The following CACNA2D3 variants were observed in gnomAD, a reference collection of about 807,000 sequenced individuals.
CACNA2D3 encodes voltage-dependent calcium channel subunit alpha-2/delta-3.
CACNA2D3 carries 60 observed loss-of-function variants against 160.6 expected under a neutral mutation model. The ratio of observed to expected loss-of-function variants is 0.37; its 90% CI spans 0.30 to 0.46. The LOEUF is 0.46. Among genes scored for constraint, CACNA2D3 ranks in the 20% least tolerant of loss-of-function variants. CACNA2D3 has a pLI of 1.00. For synonymous variants in CACNA2D3, 558 were observed against 492.9 expected (o/e 1.13, Z -1.75); for missense variants, 1,205 against 1,365.0 (o/e 0.88, Z 1.85).
At chr3:54,816,304 T>C (rs1322017717) in intron 13 of CACNA2D3, among the ~76,000 whole-genome samples, 4 of 152,216 alleles carry the variant, frequency 2.6e-5, no homozygotes, top group Non-Finnish European at 5.9e-5. Context: ...GCAGGGTTTC[T>C]CAACTTTGGC....
chr3:54,821,911 ATTGAAAG>A (rs1321856225), intron 14 of CACNA2D3, among the ~76,000 whole-genome samples: 1 of 152,104 alleles, frequency 6.6e-6, no homozygotes, highest in Non-Finnish European at 1.5e-5. Context: ...AAAATTGAAA[ATTGAAAG>A]TTTGCAAAGC....
intron 5 of CACNA2D3, among the ~76,000 whole-genome samples, chr3:54,512,638 C>T (rs1422871971): frequency 6.6e-6 from 1 of 152,128 alleles, no homozygotes; most frequent in Non-Finnish European, 1.5e-5. Flanking sequence ...AGCACCCTGG[C>T]AGGTGGCTCA....
At chr3:54,334,043 G>A (rs895611549) in intron 3 of CACNA2D3, among the ~76,000 whole-genome samples, 1 of 152,232 alleles carries the variant, frequency 6.6e-6, no homozygotes, top group Non-Finnish European at 1.5e-5. Context: ...AGAAGTGGAA[G>A]TGCAGGGACT....
chr3:54,558,318 A>G (rs1327560403), intron 5 of CACNA2D3, among the ~76,000 whole-genome samples: 1 of 152,122 alleles, frequency 6.6e-6, no homozygotes, highest in African/African-American at 2.4e-5. Context: ...AGGCCAAGGG[A>G]ACAGCCCCAT....
chr3:54,524,052 C>T (rs536994939), intron 5 of CACNA2D3, among the ~76,000 whole-genome samples: 34 of 151,346 alleles, frequency 2.2e-4, no homozygotes, highest in African/African-American at 8.0e-4. Context: ...TTTAGCTTTA[C>T]TTTGTTGTTC....
intron 11 of CACNA2D3, among the ~76,000 whole-genome samples, chr3:54,712,245 A>G (rs1406339349): frequency 6.6e-6 from 1 of 152,204 alleles, no homozygotes; most frequent in East Asian, 1.9e-4. Flanking sequence ...TCCATTTACT[A>G]TCTGACAGTT....
intron 27 of CACNA2D3, among the ~76,000 whole-genome samples, chr3:54,955,334 A>G (rs1465520492): frequency 1.3e-5 from 2 of 152,134 alleles, no homozygotes; most frequent in Non-Finnish European, 2.9e-5. Context: ...TCTCAGAAGA[A>G]CAGATGAAAA....
chr3:55,040,969 TA>T (rs1006328957), intron 35 of CACNA2D3, among the ~76,000 whole-genome samples: 4 of 152,330 alleles, frequency 2.6e-5, no homozygotes, highest in African/African-American at 9.6e-5. Flanking sequence ...TGTTAAAATA[TA>T]AGAAAAATTG....
chr3:54,191,334 A>G (rs1007550979), intron 2 of CACNA2D3, among the ~76,000 whole-genome samples: 3 of 152,172 alleles, frequency 2.0e-5, no homozygotes, highest in Non-Finnish European at 4.4e-5. Context: ...TGATTTTAAA[A>G]TGAGTATTTT....
chr3:54,661,461 T>C (rs1486836681), intron 11 of CACNA2D3, among the ~76,000 whole-genome samples: 2 of 152,166 alleles, frequency 1.3e-5, no homozygotes, highest in Admixed American at 6.5e-5. Flanking sequence ...CTTATTGAAA[T>C]GTGTTTCGTC....
At chr3:54,843,634 C>T (rs550671211) in intron 16 of CACNA2D3, among the ~76,000 whole-genome samples, 6 of 152,266 alleles carry the variant, frequency 3.9e-5, no homozygotes, top group East Asian at 3.9e-4. Flanking sequence ...AGGAAAGCAA[C>T]GTGGTCAGAA....
At chr3:54,367,978 T>C (rs1440575629) in intron 3 of CACNA2D3, among the ~76,000 whole-genome samples, 1 of 152,200 alleles carries the variant, frequency 6.6e-6, no homozygotes, top group East Asian at 1.9e-4. Flanking sequence ...AAAAATGCGC[T>C]GTTGGTGGCT....
At chr3:54,729,292 G>A (rs1180946908) in intron 11 of CACNA2D3, among the ~76,000 whole-genome samples, 1 of 152,124 alleles carries the variant, frequency 6.6e-6, no homozygotes, top group African/African-American at 2.4e-5. Flanking sequence ...TTTACTCCTT[G>A]TAATTATTTT....
chr3:54,376,032 C>T (rs1699006531), intron 3 of CACNA2D3, among the ~76,000 whole-genome samples: 1 of 152,166 alleles, frequency 6.6e-6, no homozygotes, highest in Non-Finnish European at 1.5e-5. Flanking sequence ...TTCAGCACTG[C>T]CACCAGATTA....
intron 34 of CACNA2D3, among the ~76,000 whole-genome samples, chr3:55,013,954 A>AT (rs1270716290): frequency 6.6e-6 from 1 of 152,170 alleles, no homozygotes; most frequent in East Asian, 1.9e-4. Flanking sequence ...TGGGTGCTTC[A>AT]TTGTGAGTGG....
At chr3:54,693,984 T>A (rs914103208) in intron 11 of CACNA2D3, among the ~76,000 whole-genome samples, 9 of 152,156 alleles carry the variant, frequency 5.9e-5, no homozygotes, top group Admixed American at 5.2e-4. Context: ...AAATACATTT[T>A]AAAAAATAAA....
chr3:54,304,120 G>C (rs902851291), intron 2 of CACNA2D3, among the ~76,000 whole-genome samples: 1 of 152,020 alleles, frequency 6.6e-6, no homozygotes, highest in Non-Finnish European at 1.5e-5. Context: ...CAGCATCTCT[G>C]ACCTCTGTCC....
At chr3:54,299,269 A>G (rs1448828522) in intron 2 of CACNA2D3, among the ~76,000 whole-genome samples, 1 of 150,798 alleles carries the variant, frequency 6.6e-6, no homozygotes, top group Non-Finnish European at 1.5e-5. Context: ...GGCAGGGAGG[A>G]GGGTACAGGG....
rs146701468 is a variant in CACNA2D3 at position 54,747,718 on chromosome 3, G to T, written c.1168-4881G>T. ...TCAATATCCCTGGAGCTTCCCTGTC[G>T]CAGGGACCTTGTACCTTTGGTTCCC... On this transcript the variant is annotated intron_variant, in intron 11 of 37. Coordinates refer to ENST00000474759, the MANE Select transcript of CACNA2D3 (RefSeq NM_018398.3). Among the ~76,000 whole-genome samples the T allele has an allele frequency of 2.0e-5, 3 of 152,112 alleles. No homozygotes were observed. The East Asian group carries it at 5.8e-4, about 29-fold the overall frequency.
Sources: allele counts gnomAD v4.1 joint callset (sites outside exome capture counted in the v4.1 genomes callset), GRCh38; gene constraint gnomAD v4.1.1; transcripts MANE v1.5; gene names NCBI Gene and HGNC (gene_info 2026-07-23, HGNC 2026-07-21).